The following RMC1 variants were observed in gnomAD, a reference collection of about 807,000 sequenced individuals.
RMC1 encodes regulator of MON1-CCZ1.
Under a neutral mutation model 95.5 loss-of-function variants are expected in RMC1, and 44 were observed. The observed-to-expected ratio is 0.46, with a 90% CI of 0.36 to 0.59. RMC1 has a LOEUF of 0.59. Among genes scored for constraint, RMC1 ranks in the 20% least tolerant of loss-of-function variants. The probability of loss-of-function intolerance (pLI) is 0.00; values close to 1 mark genes in which losing one functional copy is unlikely to be tolerated. For missense variants in RMC1, 705 were observed against 819.6 expected (o/e 0.86, Z 1.71); for synonymous variants, 320 against 303.6 (o/e 1.05, Z -0.56).
chr18:23,515,483 T>A (rs1414651263), intron 5 of RMC1, among the ~76,000 whole-genome samples: 1 of 152,202 alleles, frequency 6.6e-6, no homozygotes, highest in African/African-American at 2.4e-5. Context: ...CTTCTGCTTT[T>A]TATTCTCAGA....
chr18:23,525,328 G>T (rs1324371885), intron 12 of RMC1, among the ~76,000 whole-genome samples: 1 of 152,060 alleles, frequency 6.6e-6, no homozygotes, highest in Non-Finnish European at 1.5e-5. Context: ...GCTTACTGCA[G>T]CCTTGAGCTC....
chr18:23,522,159 T>G (rs2058159801), intron 10 of RMC1, among the ~76,000 whole-genome samples: 2 of 152,232 alleles, frequency 1.3e-5, no homozygotes, highest in South Asian at 4.1e-4. Context: ...GCTTAGTTAC[T>G]TTCTGGCACA....
chr18:23,507,992 G>A lies in RMC1; in HGVS notation c.272G>A (p.Cys91Tyr), dbSNP rs751177020. 4.3e-6 allele frequency: 7 copies of A among 1,610,294 alleles called. No individual in the cohort carries two copies. The highest frequency in any genetic ancestry group is 5.1e-6 in the Non-Finnish European group (6 of 1,178,594). Residue 91 changes from cysteine (C) to tyrosine (Y), a missense_variant, in exon 4 of 20, where the codon TGT becomes TAT. By Grantham distance (194) the Cys-to-Tyr change is radical. Transcript: ENST00000269221. ...VQRTSKTVDF[C>Y]NFIPDNSQLE... Reference sequence around the variant, plus strand: ...GTGTGTTTTTCCTTTCAGGATTTTTGTAATTTTATCCCTGATAATTCCCAG... The same window carrying A: ...GTGTGTTTTTCCTTTCAGGATTTTTATAATTTTATCCCTGATAATTCCCAG...
Position 23,530,258 on chromosome 18 carries a change from C to G in RMC1, c.1629C>G (p.Phe543Leu). The change falls in exon 18 of 20, where the codon TTC becomes TTG. Residue 543 changes from phenylalanine (F) to leucine (L), a missense_variant. Physicochemically the swap from Phe to Leu is conservative, Grantham distance 22 (BLOSUM62 0). Transcript: ENST00000269221. ...LACLLLSLES[F>L]YPPAHQLSLD... Reference sequence around the variant, plus strand: ...GTCTGCTGTTATCCCTAGAGAGTTTCTATCCTCCTGCTCATCAGCTATCTC... The same window carrying G: ...GTCTGCTGTTATCCCTAGAGAGTTTGTATCCTCCTGCTCATCAGCTATCTC... The G allele has an allele frequency of 1.2e-6, 2 of 1,614,218 alleles. No homozygotes were observed. Among genetic ancestry groups the G allele is most frequent in the Non-Finnish European group, 1.7e-6 (2 of 1,180,030 alleles).
chr18:23,516,490 G>A (rs2058008488), intron 7 of RMC1, 67 bp downstream of exon 7: 1 of 1,535,566 alleles, frequency 6.5e-7, no homozygotes, highest in Admixed American at 1.7e-5. Flanking sequence ...TAGAAGGAGT[G>A]TGTTACAAGC....
chr18:23,517,147 CT>C (rs561567719), intron 7 of RMC1, among the ~76,000 whole-genome samples: 46 of 145,600 alleles, frequency 3.2e-4, no homozygotes, highest in Admixed American at 3.4e-4. Context: ...TTTTCTTTTA[CT>C]TTTTTTTTTT....
chr18:23,529,767 C>A (rs758760416), intron 16 of RMC1, 55 bp downstream of exon 16: 48 of 1,467,126 alleles, frequency 3.3e-5, no homozygotes, highest in South Asian at 9.2e-5. Context: ...AAAAAAAAAA[C>A]ACAGTCACTG....
At position 23,527,797 on chromosome 18, in the gene RMC1, TTAAG is replaced by T. The variant is rs2058350233; in HGVS notation, c.1194_1197del (p.Glu400GlnfsTer8). On this transcript the variant is annotated frameshift_variant, in exon 14 of 20. Transcript: ENST00000269221. LOFTEE classifies it high-confidence loss of function. The stretch of plus-strand genomic sequence containing the variant: ...GTGTGAACATTGTGCCTTTCCAGTG[TTAAG>T]TGAGTCAGACAGAGCATCGCTGCCC... The T allele has an allele frequency of 4.3e-6, 7 of 1,613,800 alleles. No individual in the cohort carries two copies. The highest frequency in any genetic ancestry group is 5.9e-6 in the Non-Finnish European group (7 of 1,179,728).
chr18:23,529,293 A>G lies in RMC1; in HGVS notation c.1411A>G (p.Lys471Glu), dbSNP rs1376438407. 2 of 1,609,334 alleles carry G rather than the reference A, an allele frequency of 1.2e-6. No homozygotes were observed. Among genetic ancestry groups the G allele is most frequent in the East Asian group, 2.2e-5 (1 of 44,872 alleles). The change falls in exon 15 of 20, where the codon AAG becomes GAG. Residue 471 changes from lysine (K) to glutamate (E), a missense_variant. Lys to Glu is a moderately conservative substitution (Grantham distance 56). Coordinates refer to ENST00000269221, the MANE Select transcript of RMC1 (RefSeq NM_013326.5). ...YTHVLSAFVE[K>E]KEMPHKFVIA... is the part of the protein sequence containing the mutation. ...CCATGTCCTGTCAGCCTTTGTGGAA[A>G]AGAAGGTGGGCTGCAGCTTTCCGCC...
chr18:23,516,229 C>T, intron 6 of RMC1, 91 bp from the exon 7 acceptor site: 1 of 1,460,416 alleles, frequency 6.8e-7, no homozygotes, highest in East Asian at 2.3e-5. Flanking sequence ...AAGACGAAGT[C>T]TGTGTTTATC....
intron 5 of RMC1, among the ~76,000 whole-genome samples, chr18:23,511,041 G>T (rs2057843458): frequency 6.6e-6 from 1 of 152,232 alleles, no homozygotes; most frequent in Admixed American, 6.5e-5. Context: ...GTTCATTGCA[G>T]CACTGTTCAC....
Position 23,511,509 on chromosome 18 carries a change from T to C in RMC1, c.408+2230T>C, listed in dbSNP as rs141851743. ...AAAAACATTCAAACATTGCAAGATA[T>C]GTAATATGGAAAGCAAATGTTCCCT... On this transcript the variant is annotated intron_variant, in intron 5 of 19. Coordinates refer to ENST00000269221, the MANE Select transcript of RMC1 (RefSeq NM_013326.5). Among the ~76,000 whole-genome samples the C allele has an allele frequency of 8.5e-3, 1,294 of 152,346 alleles. 16 individuals are homozygous for C. The highest frequency in any genetic ancestry group is 0.03 in the African/African-American group (1,249 of 41,582).
Position 23,503,522 on chromosome 18 carries a change from C to T in RMC1, c.-97C>T, listed in dbSNP as rs1004506630. ...TCCGCGCCGGGCCCAGAGCCGCAGC[C>T]GCAGCCGCCGCTACAGTCCGGGCCG... On this transcript the variant is annotated 5_prime_UTR_variant, in exon 1 of 20. Coordinates refer to ENST00000269221, the MANE Select transcript of RMC1 (RefSeq NM_013326.5). The T allele has an allele frequency of 1.0e-5, 8 of 787,014 alleles. No individual in the cohort carries two copies. The highest frequency in any genetic ancestry group is 3.5e-6 in the Non-Finnish European group (2 of 571,450). The allele number at this position is 787,014 out of a possible 1,614,324, so 48.8% of individuals were successfully genotyped here. A position where few individuals can be genotyped will look rare whatever the true frequency, so the allele number is the denominator to read the frequency against.
At position 23,503,735 on chromosome 18, in the gene RMC1, C is replaced by A. The variant is rs751363074; in HGVS notation, c.102+15C>A. The A allele has an allele frequency of 6.3e-7, 1 of 1,580,124 alleles. No individual in the cohort carries two copies. The highest frequency in any genetic ancestry group is 8.6e-7 in the Non-Finnish European group (1 of 1,164,408). The stretch of plus-strand genomic sequence containing the variant: ...CCAACAAGCAGGTCCGGCGCGCCCG[C>A]GCTTCCTCCCCCGCGCGGCCCTGCC... On this transcript the variant is annotated intron_variant, in intron 1 of 19. Transcript: ENST00000269221.
chr18:23,530,724 T>C, intron 19 of RMC1, 112 bp downstream of exon 19: 3 of 951,112 alleles, frequency 3.2e-6, no homozygotes, highest in Non-Finnish European at 3.1e-6. Context: ...ACAACACAAT[T>C]TGATAACAGC....
At chr18:23,525,406 C>T (rs1046663157) in intron 12 of RMC1, among the ~76,000 whole-genome samples, 8 of 151,922 alleles carry the variant, frequency 5.3e-5, no homozygotes, top group Non-Finnish European at 1.2e-4. Context: ...CATCACCACG[C>T]CCAGTTAATT....
chr18:23,525,241 C>T (rs953310494), intron 12 of RMC1, among the ~76,000 whole-genome samples: 4 of 151,902 alleles, frequency 2.6e-5, no homozygotes, highest in Admixed American at 6.6e-5. Context: ...CCACTGTGCC[C>T]GGCCTAAAGA....
chr18:23,529,147 G>A lies in RMC1; in HGVS notation c.1297-32G>A, dbSNP rs375437445. The A allele has an allele frequency of 7.5e-5, 120 of 1,600,296 alleles. 1 individual carries two copies. The highest frequency in any genetic ancestry group is 8.7e-5 in the Non-Finnish European group (102 of 1,174,984). ...AACAGCACCCTTCCTCTAAGATGCC[G>A]AAGATCATAGTTTGTGGTTTTTTTC... On this transcript the variant is annotated intron_variant, in intron 14 of 19. Coordinates refer to ENST00000269221, the MANE Select transcript of RMC1 (RefSeq NM_013326.5).
intron 10 of RMC1, 65 bp from the exon 11 acceptor site, chr18:23,524,065 A>AT (rs1289981550): frequency 7.9e-6 from 12 of 1,516,308 alleles, no homozygotes; most frequent in Admixed American, 1.7e-5. Flanking sequence ...CTTTTGTGTC[A>AT]TAAGTACCAG....
Sources: allele counts gnomAD v4.1 joint callset (sites outside exome capture counted in the v4.1 genomes callset), GRCh38; gene constraint gnomAD v4.1.1; transcripts MANE v1.5; gene names NCBI Gene and HGNC (gene_info 2026-07-23, HGNC 2026-07-21).